The following TTLL7 variants were observed in gnomAD, a reference collection of about 807,000 sequenced individuals.
TTLL7 encodes the protein tubulin polyglutamylase TTLL7.
Under a neutral mutation model 120.2 loss-of-function variants are expected in TTLL7, and 53 were observed. The ratio of observed to expected loss-of-function variants is 0.44; its 90% confidence interval spans 0.35 to 0.55. TTLL7 has a LOEUF of 0.55. Ranked by LOEUF, TTLL7 falls within the 20% of genes least tolerant of loss-of-function variation. The pLI, the probability that TTLL7 is intolerant of heterozygous loss-of-function variation, is 0.00. For synonymous variants in TTLL7, 353 were observed against 351.7 expected, an observed-to-expected ratio of 1.00 and a Z score of -0.04; for missense variants, 803 against 1,054.7, an observed-to-expected ratio of 0.76 and a Z score of 3.31.
intron 13 of TTLL7, among the ~76,000 whole-genome samples, chr1:83,918,204 CA>C (rs1166272527): frequency 6.6e-6 from 1 of 152,070 alleles, no homozygotes; most frequent in Non-Finnish European, 1.5e-5. Flanking sequence ...AATGATTGCA[CA>C]AAGTATTTTT....
At chr1:83,962,090 TAGTC>T (rs760797472) in intron 1 of TTLL7, among the ~76,000 whole-genome samples, 18 of 152,270 alleles carry the variant, frequency 1.2e-4, no homozygotes, top group South Asian at 2.1e-4. Context: ...ATTTCTAAAA[TAGTC>T]AGTTCATTCT....
intron 1 of TTLL7, among the ~76,000 whole-genome samples, chr1:83,972,068 C>T (rs999822762): frequency 2.0e-5 from 3 of 151,990 alleles, no homozygotes; most frequent in African/African-American, 7.2e-5. Context: ...ACATCCACCA[C>T]CAGAGTGATA....
intron 1 of TTLL7, among the ~76,000 whole-genome samples, chr1:83,962,278 G>T (rs949124403): frequency 1.3e-5 from 2 of 152,006 alleles, no homozygotes; most frequent in Non-Finnish European, 2.9e-5. Flanking sequence ...TCTTGGTAAA[G>T]GGTATCACTA....
At position 83,921,255 on chromosome 1, in the gene TTLL7, C is replaced by G; in HGVS notation, c.1282G>C (p.Glu428Gln). ...TCTTAAAACTTTCATACCAACTCTTCTTTCCGCCTCTCCAACTGGTGTCTC... is the reference window on the plus strand; with the variant it reads ...TCTTAAAACTTTCATACCAACTCTTGTTTCCGCCTCTCCAACTGGTGTCTC... ...QQRHQLERRK[E>Q]ELKERLAQVR... Residue 428 changes from glutamate (E) to glutamine (Q), a missense_variant, in exon 11 of 21, where the codon GAA (glutamate) becomes CAA (glutamine). Glu to Gln is a conservative substitution (Grantham distance 29, BLOSUM62 2). This residue lies in a region of TTLL7 where 324 missense variants were observed against 507.7 expected (regional missense o/e 0.64). Coordinates refer to ENST00000260505, the MANE Select transcript of TTLL7 (RefSeq NM_024686.6). 6.2e-7 allele frequency: 1 copy of G among 1,612,422 alleles called. No homozygotes were observed. Among genetic ancestry groups the G allele is most frequent in the Non-Finnish European group, 8.5e-7 (1 of 1,179,474 alleles).
intron 18 of TTLL7, among the ~76,000 whole-genome samples, chr1:83,891,564 C>G (rs1218591535): frequency 6.6e-6 from 1 of 152,022 alleles, no homozygotes; most frequent in African/African-American, 2.4e-5. Context: ...CAGTTTCATT[C>G]CTGAAATTAT....
intron 1 of TTLL7, among the ~76,000 whole-genome samples, chr1:83,992,653 C>T (rs116169030): frequency 0.047 from 7,141 of 152,090 alleles, 229 homozygotes; most frequent in Middle Eastern, 0.11. Flanking sequence ...GAAATAATAT[C>T]TGCTAATCTT....
chr1:83,891,929 G>A (rs982747439), intron 18 of TTLL7, among the ~76,000 whole-genome samples: 1 of 151,830 alleles, frequency 6.6e-6, no homozygotes, highest in Admixed American at 6.6e-5. Context: ...TTAGGATCAA[G>A]CTATCCTCCC....
chr1:83,980,011 C>G (rs1196553024), intron 1 of TTLL7: 1 of 152,210 alleles, frequency 6.6e-6, no homozygotes, highest in Non-Finnish European at 1.5e-5. Context: ...TTCTGGAATG[C>G]TTGTGCAATT....
At chr1:83,919,273 TG>T (rs1269780572) in intron 13 of TTLL7, among the ~76,000 whole-genome samples, 1 of 151,754 alleles carries the variant, frequency 6.6e-6, no homozygotes, top group African/African-American at 2.4e-5. Flanking sequence ...TGTGTGTGTG[TG>T]TGTGTGTGTG....
At chr1:83,960,987 C>A (rs1210041063) in intron 1 of TTLL7, among the ~76,000 whole-genome samples, 3 of 152,104 alleles carry the variant, frequency 2.0e-5, no homozygotes, top group Non-Finnish European at 4.4e-5. Flanking sequence ...CCTGAAAGAA[C>A]CATTTGATCA....
intron 1 of TTLL7, among the ~76,000 whole-genome samples, chr1:83,982,098 C>A (rs1047413141): frequency 6.6e-6 from 1 of 152,108 alleles, no homozygotes. Flanking sequence ...TGTTATCTGA[C>A]TAGATTGAAT....
At chr1:83,919,127 C>G (rs557831599) in intron 13 of TTLL7, among the ~76,000 whole-genome samples, 1 of 152,020 alleles carries the variant, frequency 6.6e-6, no homozygotes, top group East Asian at 1.9e-4. Flanking sequence ...ATGATTCACC[C>G]CAGGAAAGAC....
In TTLL7 at chr1:83,940,711, T is replaced by C. The variant is rs116481658; in HGVS notation, c.723+1752A>G. Reference sequence around the variant, plus strand: ...TCCAGACCCACTGCTACTATTTCAATTTAAGTCCTTTTTCCTTCCATATAT... The same window carrying C: ...TCCAGACCCACTGCTACTATTTCAACTTAAGTCCTTTTTCCTTCCATATAT... On this transcript the variant is annotated intron_variant, in intron 7 of 20. Coordinates refer to ENST00000260505, the MANE Select transcript of TTLL7 (RefSeq NM_024686.6). Among the ~76,000 whole-genome samples the C allele has an allele frequency of 3.0e-3, 460 of 152,282 alleles. 2 individuals are homozygous for C. The highest frequency in any genetic ancestry group is 0.01 in the African/African-American group (426 of 41,550).
rs1485639593 is a variant in TTLL7, at chr1:83,896,324, A to G, written c.2209-5843T>C. Among the ~76,000 whole-genome samples, 4 of 152,242 alleles carry G rather than the reference A, an allele frequency of 2.6e-5. No homozygotes were observed. In the Middle Eastern group the frequency reaches 0.014, roughly 518 times the overall value. On this transcript the variant is annotated intron_variant, in intron 18 of 20. Coordinates refer to ENST00000260505, the MANE Select transcript of TTLL7 (RefSeq NM_024686.6). The stretch of plus-strand genomic sequence containing the variant: ...GGAGATTCAGTCAATGACAACATTA[A>G]TAAAATGAAAAGATTTGTCTTTTCC...
At chr1:83,948,042 G>T (rs1025893269) in intron 5 of TTLL7, among the ~76,000 whole-genome samples, 2 of 151,950 alleles carry the variant, frequency 1.3e-5, no homozygotes, top group Non-Finnish European at 2.9e-5. Context: ...CTAAATATTG[G>T]TTGCAGAGAT....
chr1:83,949,981 A>C lies in TTLL7; in HGVS notation c.163T>G (p.Leu55Val). 6.2e-7 allele frequency: 1 copy of C among 1,610,770 alleles called. No individual in the cohort carries two copies. The highest frequency in any genetic ancestry group is 8.5e-7 in the Non-Finnish European group (1 of 1,178,892). ...ATAAATCCCATTTCATCTATTACTA[A>C]ACGAACTGCAAGTAAACAGTTAAGT... ...VAGTKFEIVR[L>V]VIDEMGFMKT... The change falls in exon 4 of 21, where the codon TTA (leucine) becomes GTA (valine). Residue 55 changes from leucine to valine, a missense_variant. Physicochemically the swap from Leu to Val is conservative, Grantham distance 32 (BLOSUM62 1). Coordinates refer to ENST00000260505, the MANE Select transcript of TTLL7 (RefSeq NM_024686.6).
At chr1:83,952,493 T>A (rs1354976600) in intron 1 of TTLL7, 106 bp from the exon 2 acceptor site, 3 of 328,874 alleles carry the variant, frequency 9.1e-6, no homozygotes, top group African/African-American at 6.4e-5. Flanking sequence ...GTTAATGTGT[T>A]CAATCAACAA....
chr1:83,938,148 A>G (rs1647596280), intron 7 of TTLL7, 132 bp from the exon 8 acceptor site: 2 of 743,970 alleles, frequency 2.7e-6, no homozygotes, highest in Non-Finnish European at 4.4e-6. Context: ...CAATCTCATG[A>G]TTATTTAGAT....
intron 17 of TTLL7, among the ~76,000 whole-genome samples, chr1:83,905,139 A>G (rs1309761730): frequency 1.3e-5 from 2 of 152,038 alleles, no homozygotes; most frequent in Admixed American, 6.6e-5. Context: ...AGAAAATTTT[A>G]TCAAATAAGA....
Sources: gnomAD v4.1 joint callset for allele counts (sites outside exome capture counted in the v4.1 genomes callset) on GRCh38, gnomAD v4.1.1 for gene constraint, gnomAD v4.1.1 regional missense constraint, MANE v1.5 for transcripts, NCBI Gene and HGNC (gene_info 2026-07-23, HGNC 2026-07-21) for gene names.